The following TIAM1 variants were observed in gnomAD, a reference collection of about 807,000 sequenced individuals.
TIAM1 encodes TIAM Rac1 associated GEF 1, also known as rho guanine nucleotide exchange factor TIAM1.
Under a neutral mutation model 163.5 loss-of-function variants are expected in TIAM1, and 65 were observed. The ratio of observed to expected loss-of-function variants is 0.40; its 90% CI spans 0.33 to 0.49. The LOEUF (loss-of-function observed/expected upper bound fraction) is 0.49. Ranked by LOEUF, TIAM1 falls within the 20% of genes least tolerant of loss-of-function variation. The pLI is 0.77. For synonymous variants in TIAM1, 833 were observed against 810.1 expected (o/e 1.03, Z -0.48); for missense variants, 1,789 against 2,044.7 (o/e 0.87, Z 2.41).
At chr21:31,201,782 G>A (rs2086215151) in intron 12 of TIAM1, among the ~76,000 whole-genome samples, 1 of 152,166 alleles carries the variant, frequency 6.6e-6, no homozygotes, top group Non-Finnish European at 1.5e-5. Flanking sequence ...CCAGAGGAAT[G>A]ACTAAGAACA....
intron 3 of TIAM1, among the ~76,000 whole-genome samples, chr21:31,269,671 G>GTTTTTT (rs11350283): frequency 3.2e-5 from 4 of 124,282 alleles, no homozygotes; most frequent in Non-Finnish European, 3.3e-5. Context: ...AAGTTTGTTT[G>GTTTTTT]TTTTTTTTTT....
At chr21:31,484,162 G>A (rs1315197521) in intron 1 of TIAM1, among the ~76,000 whole-genome samples, 1 of 152,160 alleles carries the variant, frequency 6.6e-6, no homozygotes, top group East Asian at 1.9e-4. Context: ...CCCTGATCTT[G>A]GACTTCCCAG....
At chr21:31,536,294 A>G (rs980342013) in intron 1 of TIAM1, among the ~76,000 whole-genome samples, 3 of 152,366 alleles carry the variant, frequency 2.0e-5, no homozygotes, top group African/African-American at 7.2e-5. Flanking sequence ...TGGCTAAGCA[A>G]TGCAGTCTGG....
rs139408045 is a variant in TIAM1 at position 31,297,425 on chromosome 21, C to T, written c.-188-20517G>A. Among the ~76,000 whole-genome samples the T allele has an allele frequency of 3.1e-3, 468 of 152,302 alleles. 1 individual carries two copies. The highest frequency in any genetic ancestry group is 0.011 in the African/African-American group (446 of 41,572). On this transcript the variant is annotated intron_variant, in intron 2 of 27. Transcript: ENST00000541036. ...CGTACTTTCCTTTGAGACGGAGTCTCGCTCTGTCACCCAGGCTGGAGTGCA... is the reference window on the plus strand; with the variant it reads ...CGTACTTTCCTTTGAGACGGAGTCTTGCTCTGTCACCCAGGCTGGAGTGCA...
At chr21:31,193,804 T>A (rs1225941973) in intron 13 of TIAM1, among the ~76,000 whole-genome samples, 2 of 152,080 alleles carry the variant, frequency 1.3e-5, no homozygotes, top group Non-Finnish European at 2.9e-5. Flanking sequence ...GCAGTGTGAA[T>A]CGGGAAAAGC....
At chr21:31,503,814 T>A (rs1323979144) in intron 1 of TIAM1, among the ~76,000 whole-genome samples, 1 of 150,756 alleles carries the variant, frequency 6.6e-6, no homozygotes, top group Admixed American at 6.6e-5. Flanking sequence ...AACACCACCA[T>A]TTGAGACATC....
intron 15 of TIAM1, among the ~76,000 whole-genome samples, chr21:31,172,176 G>GA (rs2084542178): frequency 6.6e-6 from 1 of 152,182 alleles, no homozygotes; most frequent in Non-Finnish European, 1.5e-5. Flanking sequence ...AAGCTGAGGA[G>GA]AGACACCAGC....
chr21:31,270,103 A>G (rs2072991099), intron 3 of TIAM1, among the ~76,000 whole-genome samples: 1 of 152,332 alleles, frequency 6.6e-6, no homozygotes, highest in South Asian at 2.1e-4. Flanking sequence ...CCTGATTTGC[A>G]TTTTATATTT....
chr21:31,308,015 T>C (rs2074783196), intron 2 of TIAM1, among the ~76,000 whole-genome samples: 1 of 152,078 alleles, frequency 6.6e-6, no homozygotes, highest in South Asian at 2.1e-4. Flanking sequence ...GGCAGATCAC[T>C]TGAGAAACGA....
At chr21:31,284,756 C>G (rs1411024950) in intron 2 of TIAM1, among the ~76,000 whole-genome samples, 2 of 151,930 alleles carry the variant, frequency 1.3e-5, no homozygotes, top group Admixed American at 6.6e-5. Context: ...GAACTCCTGA[C>G]CTCAAGTGAT....
At chr21:31,373,055 C>CAAAAAAAAAAAAAA (rs71193110) in intron 2 of TIAM1, among the ~76,000 whole-genome samples, 1 of 104,710 alleles carries the variant, frequency 9.6e-6, no homozygotes, top group African/African-American at 3.7e-5. Flanking sequence ...AACTCTGTCT[C>CAAAAAAAAAAAAAA]AAAAAAAAAA....
chr21:31,404,683 T>C (rs1242407297), intron 2 of TIAM1, among the ~76,000 whole-genome samples: 3 of 152,146 alleles, frequency 2.0e-5, no homozygotes, highest in Non-Finnish European at 2.9e-5. Flanking sequence ...TTGTCTGCAA[T>C]TCTGTGACTT....
At chr21:31,255,448 G>A (rs1181720209) in intron 4 of TIAM1, among the ~76,000 whole-genome samples, 1 of 152,118 alleles carries the variant, frequency 6.6e-6, no homozygotes, top group South Asian at 2.1e-4. Flanking sequence ...ACTCAACACC[G>A]CTCTTTCTTT....
At chr21:31,335,872 G>C (rs1347727167) in intron 2 of TIAM1, among the ~76,000 whole-genome samples, 1 of 152,164 alleles carries the variant, frequency 6.6e-6, no homozygotes, top group African/African-American at 2.4e-5. Flanking sequence ...TTCAACTCCA[G>C]GGTCACTGCC....
At chr21:31,155,667 G>A (rs1056069410) in intron 16 of TIAM1, among the ~76,000 whole-genome samples, 1 of 152,090 alleles carries the variant, frequency 6.6e-6, no homozygotes, top group Non-Finnish European at 1.5e-5. Context: ...ACCACGCCCG[G>A]CTATTTTTTT....
chr21:31,164,829 A>G, intron 16 of TIAM1, 133 bp downstream of exon 16: 1 of 801,374 alleles, frequency 1.2e-6, no homozygotes, highest in Non-Finnish European at 2.0e-6. Context: ...CCTGCTATTC[A>G]GCAACATCTC....
chr21:31,182,736 T>A, intron 14 of TIAM1, 91 bp from the exon 15 acceptor site: 1 of 1,321,402 alleles, frequency 7.6e-7, no homozygotes, highest in Non-Finnish European at 1.0e-6. Flanking sequence ...ACACCTGCTG[T>A]GGGTCTCACA....
At chr21:31,399,476 G>A (rs1323240890) in intron 2 of TIAM1, among the ~76,000 whole-genome samples, 3 of 152,102 alleles carry the variant, frequency 2.0e-5, no homozygotes, top group South Asian at 2.1e-4. Flanking sequence ...TGCTTCTTCA[G>A]GCTGACAGAA....
chr21:31,168,636 G>A lies in TIAM1; in HGVS notation c.2888-3571C>T, dbSNP rs145223566. Among the ~76,000 whole-genome samples the A allele has an allele frequency of 5.5e-3, 843 of 152,174 alleles. 5 individuals carry two copies. Among genetic ancestry groups the A allele is most frequent in the African/African-American group, 0.015 (628 of 41,528 alleles). ...AGGATGGTCTCGATCTCCTAACCTC[G>A]TGATCCACCTGTCTTGGCCTCCCCA... On this transcript the variant is annotated intron_variant, in intron 15 of 27. Transcript: ENST00000541036.
Sources: gnomAD v4.1 joint callset for allele counts (sites outside exome capture counted in the v4.1 genomes callset) on GRCh38, gnomAD v4.1.1 for gene constraint, MANE v1.5 for transcripts, NCBI Gene and HGNC (gene_info 2026-07-23, HGNC 2026-07-21) for gene names.